TFB1M: variants seen among roughly 807,000 people sequenced by gnomAD.
TFB1M encodes dimethyladenosine transferase 1, mitochondrial.
In TFB1M, 27 loss-of-function variants were observed where a neutral mutation model predicts 31.1. That is an observed-to-expected ratio of 0.87 (90% CI 0.64 to 1.20). TFB1M has a LOEUF of 1.20. Among genes scored for constraint, TFB1M ranks in the 50% most tolerant of loss-of-function variants. The probability of loss-of-function intolerance (pLI) is 0.00; values close to 1 mark genes in which losing one functional copy is unlikely to be tolerated. For synonymous variants in TFB1M, 166 were observed against 151.8 expected, an observed-to-expected ratio of 1.09 and a Z score of -0.69; for missense variants, 394 against 418.7, an observed-to-expected ratio of 0.94 and a Z score of 0.51.
downstream of TFB1M, chr6:155,254,617 G>C (rs1192396824): frequency 6.3e-7 from 1 of 1,597,394 alleles, no homozygotes. Context: ...AAAATATTAT[G>C]AGCTTCTGAA....
chr6:155,301,272 T>C (rs1295633192), intron 2 of TFB1M, among the ~76,000 whole-genome samples: 1 of 152,222 alleles, frequency 6.6e-6, no homozygotes, highest in Admixed American at 6.5e-5. Context: ...TGAACGCTCA[T>C]GTTAACAGAT....
chr6:155,276,500 A>C (rs1252311347), intron 5 of TFB1M: 3 of 895,118 alleles, frequency 3.4e-6, no homozygotes, highest in Non-Finnish European at 5.1e-6. Flanking sequence ...AAATACTTTA[A>C]CAACTACAAA....
At chr6:155,278,375 G>A (rs1334073692) in intron 5 of TFB1M, among the ~76,000 whole-genome samples, 1 of 152,226 alleles carries the variant, frequency 6.6e-6, no homozygotes, top group Non-Finnish European at 1.5e-5. Flanking sequence ...AGCACACCAA[G>A]ACTTAAGTAA....
At chr6:155,314,186 C>G in intron 1 of TFB1M, 110 bp downstream of exon 1, 2 of 1,554,684 alleles carry the variant, frequency 1.3e-6, no homozygotes, top group Non-Finnish European at 8.7e-7. Context: ...ACCAAAAGCC[C>G]GTCGCACGCC....
the TFB1M span, chr6:155,247,922 A>C: frequency 6.7e-7 from 1 of 1,498,252 alleles, no homozygotes; most frequent in Non-Finnish European, 9.1e-7. Flanking sequence ...TAGATGATCT[A>C]TAAATGTTAA....
At chr6:155,295,563 G>A (rs904066652) in intron 4 of TFB1M, among the ~76,000 whole-genome samples, 1 of 152,084 alleles carries the variant, frequency 6.6e-6, no homozygotes, top group Non-Finnish European at 1.5e-5. Context: ...TGTTGGGGGT[G>A]GGGATTCAGG....
chr6:155,244,204 C>G, the TFB1M span: 3 of 924,382 alleles, frequency 3.2e-6, no homozygotes, highest in East Asian at 7.4e-5. Context: ...TAACGGTCTT[C>G]TGAGAGTCCC....
the TFB1M span, among the ~76,000 whole-genome samples, chr6:155,236,224 C>G: frequency 2.0e-5 from 3 of 151,928 alleles, no homozygotes; most frequent in Non-Finnish European, 4.4e-5. Context: ...GTCCACATAC[C>G]TCAGTGGGGA....
At chr6:155,262,748 A>G (rs971847758) in intron 5 of TFB1M, among the ~76,000 whole-genome samples, 2 of 152,202 alleles carry the variant, frequency 1.3e-5, no homozygotes, top group African/African-American at 4.8e-5. Flanking sequence ...TGCCACTTTC[A>G]GCTTCCTTAG....
At chr6:155,276,437 T>A in intron 5 of TFB1M, 1 of 1,427,388 alleles carries the variant, frequency 7.0e-7, no homozygotes, top group South Asian at 1.3e-5. Flanking sequence ...ACTTTTAGAT[T>A]AAAAAAAAAT....
chr6:155,308,935 G>C (rs992451405), intron 2 of TFB1M, among the ~76,000 whole-genome samples: 4 of 151,748 alleles, frequency 2.6e-5, no homozygotes, highest in Non-Finnish European at 1.5e-5. Context: ...TTCCTCACTG[G>C]GGAAAAAAAG....
intron 5 of TFB1M, chr6:155,261,053 C>T (rs1784375878): frequency 6.4e-6 from 1 of 155,182 alleles, no homozygotes; most frequent in African/African-American, 2.4e-5. Flanking sequence ...CTTTAATTGT[C>T]AGAAGATAAA....
At chr6:155,312,630 G>A (rs977383465) in intron 1 of TFB1M, among the ~76,000 whole-genome samples, 1 of 152,090 alleles carries the variant, frequency 6.6e-6, no homozygotes, top group Non-Finnish European at 1.5e-5. Context: ...TCAAATCAAT[G>A]AGCTTGGATT....
intron 4 of TFB1M, among the ~76,000 whole-genome samples, chr6:155,286,161 G>A (rs2114742103): frequency 6.6e-6 from 1 of 152,056 alleles, no homozygotes; most frequent in East Asian, 1.9e-4. Context: ...GGATCATTCG[G>A]TAAGTGACAC....
Position 155,257,997 on chromosome 6 carries a change from G to C in TFB1M, c.880C>G (p.Gln294Glu), listed in dbSNP as rs1784187244. ...CTCTTAAAGTGTGAGATGGAGAGCT[G>C]GCGGGGCCGAAGAGTAGGGTCTATG... is the stretch of plus-strand genomic sequence containing the variant. ...ADIDPTLRPR[Q>E]LSISHFKSLC... Residue 294 changes from glutamine to glutamate, a missense_variant, in exon 7 of 7, where the codon CAG becomes GAG. Physicochemically the swap from Gln to Glu is conservative, Grantham distance 29 (BLOSUM62 2). Around this residue, in one of 3 missense-constraint regions of TFB1M, gnomAD observed 115 missense variants for 144.1 expected, o/e 0.80. Coordinates refer to ENST00000367166, the MANE Select transcript of TFB1M (RefSeq NM_016020.4). The C allele has an allele frequency of 6.2e-7, 1 of 1,614,082 alleles. No individual in the cohort carries two copies. The highest frequency in any genetic ancestry group is 1.7e-5 in the Admixed American group (1 of 60,008).
chr6:155,249,304 C>G, the TFB1M span, among the ~76,000 whole-genome samples: 1 of 152,174 alleles, frequency 6.6e-6, no homozygotes, highest in Admixed American at 6.5e-5. Flanking sequence ...GTCAGTCAGT[C>G]ATGTACTGGG....
the TFB1M span, among the ~76,000 whole-genome samples, chr6:155,230,999 AT>A: frequency 0.57 from 83,041 of 146,868 alleles, 23,708 homozygotes; most frequent in African/African-American, 0.65. Context: ...AGCCTGGCTA[AT>A]TTTTTTTTTT....
At chr6:155,302,764 G>A (rs1482361511) in intron 2 of TFB1M, among the ~76,000 whole-genome samples, 2 of 152,112 alleles carry the variant, frequency 1.3e-5, no homozygotes, top group East Asian at 1.9e-4. Context: ...CATTAGATTT[G>A]TATTAGTCCG....
At chr6:155,239,755 C>A in the TFB1M span, among the ~76,000 whole-genome samples, 1 of 152,170 alleles carries the variant, frequency 6.6e-6, no homozygotes, top group Admixed American at 6.5e-5. Flanking sequence ...GGCCCTGGCT[C>A]CCTGCTAAGA....
Sources: allele counts gnomAD v4.1 joint callset (sites outside exome capture counted in the v4.1 genomes callset), GRCh38; gene constraint gnomAD v4.1.1; regional missense constraint gnomAD v4.1.1; transcripts MANE v1.5; gene names NCBI Gene and HGNC (gene_info 2026-07-23, HGNC 2026-07-21).